Variants in SLC38A6 observed in about 807,000 individuals in gnomAD.
SLC38A6 encodes solute carrier family 38 member 6.
In SLC38A6, 73 loss-of-function variants were observed where a neutral mutation model predicts 65.0. That is an observed-to-expected ratio of 1.12 (90% CI 0.93 to 1.37). SLC38A6 has a LOEUF of 1.37. Ranked by LOEUF, SLC38A6 falls within the 40% of genes most tolerant of loss-of-function variation. The pLI, the probability that SLC38A6 is intolerant of heterozygous loss-of-function variation, is 0.00. For synonymous variants in SLC38A6, 183 were observed against 178.8 expected (o/e 1.02, Z -0.19); for missense variants, 561 against 531.1 (o/e 1.06, Z -0.55).
chr14:61,069,327 A>C (rs1389936951), intron 15 of SLC38A6, among the ~76,000 whole-genome samples: 1 of 151,852 alleles, frequency 6.6e-6, no homozygotes, highest in Non-Finnish European at 1.5e-5. Context: ...TACTACCCCC[A>C]TTAATCCCAG....
chr14:61,083,702 T>C, exon 17 of SLC38A6: 3 of 1,547,222 alleles, frequency 1.9e-6, no homozygotes, highest in Non-Finnish European at 2.6e-6. Flanking sequence ...TCCAGAACTG[T>C]GAGCAAATAA....
chr14:61,075,778 TG>T (rs2043383392), intron 15 of SLC38A6, among the ~76,000 whole-genome samples: 2 of 1,170 alleles, frequency 1.7e-3, no homozygotes, highest in Admixed American at 0.01. Context: ...TCAACCTGTT[TG>T]TGTGTGTGTG....
chr14:61,037,797 C>T (rs2041506345), intron 8 of SLC38A6, 114 bp downstream of exon 8: 1 of 659,782 alleles, frequency 1.5e-6, no homozygotes, highest in Non-Finnish European at 2.5e-6. Flanking sequence ...TTTTATTTCA[C>T]TGTGTTATTA....
rs139788876 is a variant in SLC38A6, at chr14:61,011,300, G to T, written c.311-4604G>T. Among the ~76,000 whole-genome samples, 926 of 152,102 alleles carry T rather than the reference G, an allele frequency of 6.1e-3. 14 individuals are homozygous for T. The highest frequency in any genetic ancestry group is 0.015 in the African/African-American group (627 of 41,510). On this transcript the variant is annotated intron_variant, in intron 3 of 15. Transcript: ENST00000267488. ...TTTGGGCCGAGATGGTGGGGTTTTC[G>T]AGATATACAATCATGTCATCTGCAA...
chr14:61,030,810 G>A, intron 6 of SLC38A6: 1 of 211,072 alleles, frequency 4.7e-6, no homozygotes, highest in Non-Finnish European at 9.4e-6. Context: ...AGATTGAGAT[G>A]CTCTTAAGGA....
Position 60,990,151 on chromosome 14 carries a change from C to T in SLC38A6, c.310+5348C>T, listed in dbSNP as rs190550172. On this transcript the variant is annotated intron_variant, in intron 3 of 15. Coordinates refer to ENST00000267488, the MANE Select transcript of SLC38A6 (RefSeq NM_153811.3). ...GTTCAAGCGATTCTCCTGCCTCAGC[C>T]GTCTGAGTAGGTGGGATTATAGATG... 2.6e-5 allele frequency among the ~76,000 whole-genome samples: 4 copies of T among 152,112 alleles called. No individual in the cohort carries two copies. The East Asian group carries it at 7.8e-4, about 29-fold the overall frequency.
Position 61,037,070 on chromosome 14 carries a change from T to G in SLC38A6, c.494T>G (p.Leu165Arg), listed in dbSNP as rs773589623. The G allele has an allele frequency of 6.2e-7, 1 of 1,612,196 alleles. No individual in the cohort carries two copies. Among genetic ancestry groups the G allele is most frequent in the African/African-American group, 1.3e-5 (1 of 74,814 alleles). Reference sequence around the variant, plus strand: ...TTTTTTTATAATAGATATTGGTATCTTGATGGACAAACACTACTAATAATC... The same window carrying G: ...TTTTTTTATAATAGATATTGGTATCGTGATGGACAAACACTACTAATAATC... ...LTGDYSRYWY[L>R]DGQTLLIIIC... is the part of the protein sequence containing the mutation. Residue 165 changes from leucine (L) to arginine (R), a missense_variant, in exon 7 of 16, where the codon CTT (leucine) becomes CGT (arginine). Transcript: ENST00000267488.
intron 3 of SLC38A6, among the ~76,000 whole-genome samples, chr14:61,007,120 C>A (rs563543549): frequency 7.4e-4 from 113 of 152,138 alleles, no homozygotes; most frequent in Admixed American, 1.2e-3. Context: ...GGGAATTGAA[C>A]AATGAGAACA....
chr14:61,005,652 A>G (rs1353914978), intron 3 of SLC38A6, among the ~76,000 whole-genome samples: 1 of 152,202 alleles, frequency 6.6e-6, no homozygotes, highest in Non-Finnish European at 1.5e-5. Flanking sequence ...TTCAAGGAGA[A>G]CTACAAACCA....
intron 15 of SLC38A6, 56 bp downstream of exon 15, chr14:61,052,191 A>G (rs1410835006): frequency 2.1e-6 from 3 of 1,420,628 alleles, no homozygotes; most frequent in Middle Eastern, 4.0e-4. Context: ...ATAGTTTGTC[A>G]GTTTATATTA....
At chr14:61,043,702 T>A (rs2041955508) in intron 10 of SLC38A6, among the ~76,000 whole-genome samples, 199 bp downstream of exon 10, 2 of 150,298 alleles carry the variant, frequency 1.3e-5, no homozygotes, top group Non-Finnish European at 3.0e-5. Context: ...CCTTTTTTTT[T>A]TTTTTTTTTT....
rs574191066 is a variant in SLC38A6 at position 61,019,431 on chromosome 14, C to T, written c.364-110C>T. 81 of 1,003,928 alleles carry T rather than the reference C, an allele frequency of 8.1e-5. No homozygotes were observed. In the South Asian group the frequency reaches 1.3e-3, roughly 17 times the overall value. 62.2% of individuals were successfully genotyped at this position (1,003,928 alleles called of 1,614,324 possible). ...GGCAGATTTCTTTTTAGTTTCTCCT[C>T]ACAACTTCTGCATCTGCTTTTTTAG... On this transcript the variant is annotated intron_variant, in intron 4 of 15. Coordinates refer to ENST00000267488, the MANE Select transcript of SLC38A6 (RefSeq NM_153811.3).
Position 61,045,383 on chromosome 14 carries a change from T to A in SLC38A6, c.782T>A (p.Leu261His). ...TTACCAACCATGGCTTTTTCATTTC[T>A]CTGCCATACCTCAATATTGCCCATA... Reference protein sequence around the residue: ...YALPTMAFSFLCHTSILPIYC... With the variant: ...YALPTMAFSFHCHTSILPIYC... Residue 261 changes from leucine to histidine, a missense_variant, in exon 11 of 16, where the codon CTC becomes CAC. Leu to His is a moderately conservative substitution (Grantham distance 99). Transcript: ENST00000267488. The A allele has an allele frequency of 6.2e-7, 1 of 1,613,838 alleles. No individual in the cohort carries two copies. Among genetic ancestry groups the A allele is most frequent in the Non-Finnish European group, 8.5e-7 (1 of 1,179,864 alleles).
At chr14:61,072,827 C>T (rs1200276169) in intron 15 of SLC38A6, among the ~76,000 whole-genome samples, 1 of 152,172 alleles carries the variant, frequency 6.6e-6, no homozygotes, top group Admixed American at 6.5e-5. Context: ...ATGAACAGTA[C>T]TGCAACAAAC....
At chr14:61,024,741 C>T (rs910759873) in intron 5 of SLC38A6, among the ~76,000 whole-genome samples, 1 of 152,166 alleles carries the variant, frequency 6.6e-6, no homozygotes, top group African/African-American at 2.4e-5. Flanking sequence ...AAATCAAACA[C>T]TACATCCCAA....
chr14:60,985,271 T>G (rs1366387479), intron 3 of SLC38A6, among the ~76,000 whole-genome samples: 1 of 152,250 alleles, frequency 6.6e-6, no homozygotes, highest in East Asian at 1.9e-4. Context: ...TTTTGTATTT[T>G]TAATTGCAAG....
intron 5 of SLC38A6, among the ~76,000 whole-genome samples, chr14:61,025,640 A>G (rs1402031115): frequency 6.6e-6 from 1 of 152,206 alleles, no homozygotes; most frequent in Non-Finnish European, 1.5e-5. Context: ...AATTTTCAGA[A>G]CAGTAGATAT....
intron 15 of SLC38A6, among the ~76,000 whole-genome samples, chr14:61,072,414 C>T (rs1376619863): frequency 5.9e-5 from 9 of 152,026 alleles, no homozygotes; most frequent in Admixed American, 2.6e-4. Flanking sequence ...TTTAAATGTG[C>T]GATTAAGTAA....
intron 5 of SLC38A6, among the ~76,000 whole-genome samples, chr14:61,021,444 G>A (rs968735376): frequency 3.3e-5 from 5 of 152,132 alleles, no homozygotes; most frequent in African/African-American, 1.2e-4. Context: ...TTCTTATTCG[G>A]AGTACCCTTG....
Sources: gnomAD v4.1 joint callset for allele counts (sites outside exome capture counted in the v4.1 genomes callset) on GRCh38, gnomAD v4.1.1 for gene constraint, MANE v1.5 for transcripts, NCBI Gene and HGNC (gene_info 2026-07-23, HGNC 2026-07-21) for gene names.